MIER2: variants seen among roughly 807,000 people sequenced by gnomAD.
The protein encoded by MIER2 is mesoderm induction early response protein 2.
A neutral mutation model predicts 67.6 loss-of-function variants in MIER2; 30 were observed. That is an observed-to-expected ratio of 0.44 (90% CI 0.33 to 0.60). The LOEUF (loss-of-function observed/expected upper bound fraction) is 0.60, where lower values mean the gene tolerates loss of function less well. MIER2 is among the 20% of genes least tolerant of loss of function. The pLI, the probability that MIER2 is intolerant of heterozygous loss-of-function variation, is 0.02. For missense variants in MIER2, 702 were observed against 745.1 expected (o/e 0.94, Z 0.67); for synonymous variants, 372 against 312.6 (o/e 1.19, Z -2.00).
chr19:344,697 G>T (rs1972667346), intron 1 of MIER2, 77 bp downstream of exon 1: 3 of 978,124 alleles, frequency 3.1e-6, no homozygotes, highest in South Asian at 4.9e-5. Context: ...TGGGGCCCAC[G>T]ACGAGGCCGA....
intron 1 of MIER2, 139 bp downstream of exon 1, chr19:344,635 G>A (rs879668760): frequency 5.9e-5 from 27 of 460,220 alleles, no homozygotes; most frequent in East Asian, 2.3e-4. Context: ...GGCCCCGGAC[G>A]GGCCAGGCGC....
chr19:332,467 A>AC, intron 3 of MIER2, among the ~76,000 whole-genome samples: 1 of 151,340 alleles, frequency 6.6e-6, no homozygotes, highest in South Asian at 2.1e-4. Flanking sequence ...ACGCCCGGCT[A>AC]ATTTTTGTAT....
intron 2 of MIER2, 53 bp from the exon 3 acceptor site, chr19:334,595 A>C: frequency 6.3e-7 from 1 of 1,587,270 alleles, no homozygotes; most frequent in South Asian, 1.1e-5. Context: ...TGTCCCAACC[A>C]TCCTGCCGAG....
chr19:334,454 G>A lies in MIER2; in HGVS notation c.189C>T (p.Ala63=), dbSNP rs138495133. Residue 63 remains alanine, a synonymous_variant, in exon 3 of 14, where the codon GCC becomes GCT. Coordinates refer to ENST00000264819, the MANE Select transcript of MIER2 (RefSeq NM_017550.3). Reference sequence around the variant, plus strand: ...CCTTGGGCTTGTCTGGGCACCTCGAGGCCTCCTCGCACTCCCCCCTAACAC... The same window carrying A: ...CCTTGGGCTTGTCTGGGCACCTCGAAGCCTCCTCGCACTCCCCCCTAACAC... The part of the protein sequence containing the change: ...NYSVRGECEE[A]SRCPDKPKEE... 1,098 of 1,614,182 alleles carry A rather than the reference G, an allele frequency of 6.8e-4. 1 individual carries two copies. The highest frequency in any genetic ancestry group is 8.3e-4 in the Non-Finnish European group (983 of 1,180,044).
intron 1 of MIER2, chr19:344,161 G>C (rs901726537): frequency 3.0e-6 from 3 of 985,426 alleles, no homozygotes; most frequent in East Asian, 1.1e-4. Flanking sequence ...TCTGAGATCA[G>C]CCCCGACGCT....
Position 324,541 on chromosome 19 carries a change from C to T in MIER2, c.655+1094G>A, listed in dbSNP as rs1024134607. Among the ~76,000 whole-genome samples the T allele has an allele frequency of 3.6e-4, 50 of 137,740 alleles. 9 individuals are homozygous for T. The highest frequency in any genetic ancestry group is 1.2e-3 in the African/African-American group (41 of 33,730). 90.4% of individuals were successfully genotyped at this position (137,740 alleles called of 152,430 possible). On this transcript the variant is annotated intron_variant, in intron 7 of 13. Coordinates refer to ENST00000264819, the MANE Select transcript of MIER2 (RefSeq NM_017550.3). ...AGACGTCATCACAATGCAATAAAGA[C>T]ACACACAACCACACAGACGACTCGA...
intron 1 of MIER2, among the ~76,000 whole-genome samples, chr19:342,434 G>A (rs1277007231): frequency 1.3e-5 from 2 of 151,896 alleles, no homozygotes; most frequent in Non-Finnish European, 2.9e-5. Flanking sequence ...TGGGTAGAGT[G>A]CACCAGCAAA....
chr19:329,533 C>T (rs1971924757), intron 3 of MIER2, among the ~76,000 whole-genome samples: 1 of 152,168 alleles, frequency 6.6e-6, no homozygotes, highest in African/African-American at 2.4e-5. Context: ...GCATCCCTGC[C>T]CACAAGTCAC....
chr19:330,523 T>C (rs1194914991), intron 3 of MIER2: 1 of 140,660 alleles, frequency 7.1e-6, no homozygotes, highest in Non-Finnish European at 1.5e-5. Context: ...CACTCCAGCC[T>C]GGGCGACAGC....
rs1971014054 is a variant in MIER2 at position 311,768 on chromosome 19, G to A, written c.984+77C>T. On this transcript the variant is annotated intron_variant, in intron 10 of 13. Coordinates refer to ENST00000264819, the MANE Select transcript of MIER2 (RefSeq NM_017550.3). ...GGGCTCCAGGCCTCCAGTCGGCCGTGTGCTGTGTGCCTGCGGACCCTGAGC... is the reference window on the plus strand; with the variant it reads ...GGGCTCCAGGCCTCCAGTCGGCCGTATGCTGTGTGCCTGCGGACCCTGAGC... The A allele has an allele frequency of 2.1e-6, 3 of 1,412,536 alleles. No homozygotes were observed. The East Asian group carries it at 7.0e-5, about 33-fold the overall frequency. 87.5% of individuals were successfully genotyped at this position (1,412,536 alleles called of 1,614,324 possible).
At position 332,459 on chromosome 19, in the gene MIER2, G is replaced by A. The variant is rs531996275; in HGVS notation, c.243+1941C>T. 6.1e-4 allele frequency among the ~76,000 whole-genome samples: 93 copies of A among 151,510 alleles called. 1 individual carries two copies. Among genetic ancestry groups the A allele is most frequent in the South Asian group, 1.3e-3 (6 of 4,768 alleles). ...TGGGATTACAGGCGCCTGCTACCAC[G>A]CCCGGCTAATTTTTGTATTTTTAGT... On this transcript the variant is annotated intron_variant, in intron 3 of 13. Transcript: ENST00000264819.
chr19:326,677 TC>T, intron 5 of MIER2, 79 bp from the exon 6 acceptor site: 2 of 1,125,974 alleles, frequency 1.8e-6, no homozygotes, highest in Non-Finnish European at 2.7e-6. Flanking sequence ...ACTCCCATTC[TC>T]CATCCACCTG....
rs34553732 is a variant in MIER2 at position 337,870 on chromosome 19, C to CAAAAAAAA, written c.10-1705_10-1698dup. 2.4e-3 allele frequency among the ~76,000 whole-genome samples: 90 copies of CAAAAAAAA among 37,130 alleles called. 12 individuals carry two copies. Among genetic ancestry groups the CAAAAAAAA allele is most frequent in the African/African-American group, 0.014 (82 of 5,838 alleles). The allele number at this position is 37,130 out of a possible 152,430, so 24.4% of individuals were successfully genotyped here. A position where few individuals can be genotyped will look rare whatever the true frequency, so the allele number is the denominator to read the frequency against. On this transcript the variant is annotated intron_variant, in intron 1 of 13. Coordinates refer to ENST00000264819, the MANE Select transcript of MIER2 (RefSeq NM_017550.3). ...GGCAACAGAGCAAGACTCCATCTCA[C>CAAAAAAAA]AAAAAAAAAAAAAAAAAAAAAGGCT...
rs1971680507 is a variant in MIER2 at position 325,118 on chromosome 19, G to A, written c.655+517C>T. On this transcript the variant is annotated intron_variant, in intron 7 of 13. Coordinates refer to ENST00000264819, the MANE Select transcript of MIER2 (RefSeq NM_017550.3). The stretch of plus-strand genomic sequence containing the variant: ...AAGGGCTCCAGGGCAACACAAATGA[G>A]ACCCAAGTCAATGGGCACGTGACTC... 2.6e-5 allele frequency among the ~76,000 whole-genome samples: 4 copies of A among 152,214 alleles called. No individual in the cohort carries two copies. The South Asian group carries it at 8.3e-4, about 31-fold the overall frequency.
At chr19:318,346 G>GT (rs1971349257) in intron 7 of MIER2, among the ~76,000 whole-genome samples, 1 of 152,184 alleles carries the variant, frequency 6.6e-6, no homozygotes, top group African/African-American at 2.4e-5. Flanking sequence ...CTTATTTACG[G>GT]TAAGAAGTGT....
At chr19:340,142 G>A (rs1972436986) in intron 1 of MIER2, among the ~76,000 whole-genome samples, 1 of 152,192 alleles carries the variant, frequency 6.6e-6, no homozygotes, top group African/African-American at 2.4e-5. Flanking sequence ...CAAGCTCAAA[G>A]AGATAGAGTC....
intron 10 of MIER2, among the ~76,000 whole-genome samples, chr19:310,773 A>G (rs1472405981): frequency 7.3e-6 from 1 of 136,752 alleles, no homozygotes; most frequent in Admixed American, 7.4e-5. Context: ...CGGAGTCCAT[A>G]GAAACACGGC....
At chr19:332,107 T>C (rs1327143882) in intron 3 of MIER2, among the ~76,000 whole-genome samples, 2 of 152,110 alleles carry the variant, frequency 1.3e-5, no homozygotes, top group African/African-American at 4.8e-5. Flanking sequence ...TTCATAAAAA[T>C]ATTTATATTA....
chr19:309,406 G>A (rs914314329), intron 10 of MIER2, among the ~76,000 whole-genome samples: 4 of 152,116 alleles, frequency 2.6e-5, no homozygotes, highest in South Asian at 2.1e-4. Flanking sequence ...AGCCCGCGGC[G>A]CCTGCTTTCC....
Sources: gnomAD v4.1 joint callset for allele counts (sites outside exome capture counted in the v4.1 genomes callset) on GRCh38, gnomAD v4.1.1 for gene constraint, MANE v1.5 for transcripts, NCBI Gene and HGNC (gene_info 2026-07-23, HGNC 2026-07-21) for gene names.